RSAD2: variants seen among roughly 807,000 people sequenced by gnomAD.
RSAD2 encodes the protein radical S-adenosyl methionine domain containing 2.
RSAD2 carries 38 observed loss-of-function variants against 37.7 expected under a neutral mutation model. The observed-to-expected ratio is 1.01, with a 90% confidence interval of 0.78 to 1.32. The LOEUF is 1.32. Ranked by LOEUF, RSAD2 falls within the 40% of genes most tolerant of loss-of-function variation. The probability of loss-of-function intolerance (pLI) is 0.00; values close to 1 mark genes in which losing one functional copy is unlikely to be tolerated. For synonymous variants in RSAD2, 163 were observed against 157.4 expected, an observed-to-expected ratio of 1.04 and a Z score of -0.27; for missense variants, 428 against 437.5, an observed-to-expected ratio of 0.98 and a Z score of 0.19.
chr2:6,894,061 T>C (rs1663690066), intron 5 of RSAD2, among the ~76,000 whole-genome samples: 1 of 152,192 alleles, frequency 6.6e-6, no homozygotes, highest in African/African-American at 2.4e-5. Flanking sequence ...TCTCCTGAGA[T>C]AGGGCATCCA....
Position 6,883,529 on chromosome 2 carries a change from TA to T in RSAD2, c.506del (p.Tyr169LeufsTer39). 6.2e-7 allele frequency: 1 copy of T among 1,614,170 alleles called. No individual in the cohort carries two copies. Among genetic ancestry groups the T allele is most frequent in the Non-Finnish European group, 8.5e-7 (1 of 1,180,018 alleles). ...GATCCGGGAGAGGTGGTTCCAGAAT[TA>T]TGGTGTGCTCCATGGGATGGCATTC... ...SLIRERWFQNYGEYLDILAIS... is the reference protein window; with the variant it reads ...SLIRERWFQNXGEYLDILAIS... On this transcript the variant is annotated frameshift_variant and splice_region_variant, in exon 2 of 6. Transcript: ENST00000382040. LOFTEE classifies it high-confidence loss of function.
rs1282504856 is a variant in RSAD2 at position 6,896,846 on chromosome 2, C to A, written c.*904C>A. On this transcript the variant is annotated 3_prime_UTR_variant, in exon 6 of 6. Transcript: ENST00000382040. ...GAGGCAGTGCTTGCATTGCTTTGTT[C>A]GCCTATCATCTGGCCACATGAGGCT... 2.0e-5 allele frequency: 3 copies of A among 152,136 alleles called. No individual in the cohort carries two copies. In the East Asian group the frequency reaches 5.8e-4, roughly 29 times the overall value. The allele number at this position is 152,136 out of a possible 1,614,324, so 9.4% of individuals were successfully genotyped here. A position where few individuals can be genotyped will look rare whatever the true frequency, so the allele number is the denominator to read the frequency against.
At chr2:6,890,471 T>C in intron 4 of RSAD2, 146 bp downstream of exon 4, 1 of 846,568 alleles carries the variant, frequency 1.2e-6, no homozygotes, top group Non-Finnish European at 1.8e-6. Context: ...TCAGGGCAGA[T>C]AGGGCTGAGG....
chr2:6,877,772 A>G (rs10182815), upstream of RSAD2: 1,560,857 of 1,574,272 alleles, frequency 0.99, 774,506 homozygotes, highest in East Asian at 1. Flanking sequence ...TGGCATACAG[A>G]GACTGCTCTG....
chr2:6,880,588 C>A (rs1663379517), intron 1 of RSAD2, among the ~76,000 whole-genome samples: 1 of 152,104 alleles, frequency 6.6e-6, no homozygotes, highest in Non-Finnish European at 1.5e-5. Context: ...TTGGCAGTTA[C>A]CTAAAAGACT....
chr2:6,870,146 A>G (rs1663178502), intron 1 of RSAD2, among the ~76,000 whole-genome samples: 1 of 152,216 alleles, frequency 6.6e-6, no homozygotes, highest in Non-Finnish European at 1.5e-5. Flanking sequence ...CCTTTGTTTC[A>G]CACTGAAGGC....
intron 1 of RSAD2, among the ~76,000 whole-genome samples, chr2:6,882,081 C>T (rs567893666): frequency 1.3e-5 from 2 of 152,302 alleles, no homozygotes; most frequent in South Asian, 4.1e-4. Context: ...GGAGGTTTTC[C>T]TATGAATAAA....
At chr2:6,866,133 G>A in intron 1 of RSAD2, 1 of 217,762 alleles carries the variant, frequency 4.6e-6, no homozygotes, top group South Asian at 5.1e-5. Context: ...TGCATGGAGG[G>A]GGGCGGGGGT....
At chr2:6,876,903 A>G (rs1205828292), upstream of RSAD2, 2 of 152,204 alleles carry the variant, frequency 1.3e-5, no homozygotes, top group Admixed American at 6.5e-5. Flanking sequence ...TCACCCAGCT[A>G]CATGATTTGT....
chr2:6,880,854 A>AC (rs1434634250), intron 1 of RSAD2, among the ~76,000 whole-genome samples: 1 of 151,590 alleles, frequency 6.6e-6, no homozygotes, highest in Non-Finnish European at 1.5e-5. Flanking sequence ...ATTAAAATTT[A>AC]CTATTCTGGC....
At chr2:6,878,747 T>G in intron 1 of RSAD2, 3 of 901,764 alleles carry the variant, frequency 3.3e-6, no homozygotes, top group Non-Finnish European at 2.9e-6. Flanking sequence ...ACTCAGCACG[T>G]GACCTTCGAA....
intron 2 of RSAD2, among the ~76,000 whole-genome samples, chr2:6,886,092 T>G (rs1352992370): frequency 3.3e-5 from 5 of 152,024 alleles, no homozygotes; most frequent in African/African-American, 1.2e-4. Flanking sequence ...AGAAAAAGAG[T>G]CGACTCTTAA....
intron 1 of RSAD2, among the ~76,000 whole-genome samples, chr2:6,870,678 T>G (rs1486636048): frequency 6.6e-6 from 1 of 152,180 alleles, no homozygotes; most frequent in Non-Finnish European, 1.5e-5. Context: ...GAGGAAGCCT[T>G]TCCAGCCAGT....
chr2:6,867,584 T>C (rs1005807500), intron 1 of RSAD2, among the ~76,000 whole-genome samples: 2 of 152,128 alleles, frequency 1.3e-5, no homozygotes, highest in African/African-American at 4.8e-5. Flanking sequence ...CCCCCACATA[T>C]CTGGGTTAGT....
intron 1 of RSAD2, among the ~76,000 whole-genome samples, chr2:6,868,155 T>C (rs975881078): frequency 6.6e-6 from 1 of 151,938 alleles, no homozygotes; most frequent in Non-Finnish European, 1.5e-5. Context: ...ACTTACAGTA[T>C]TAAACAAGAG....
At chr2:6,868,078 T>C (rs1663136288) in intron 1 of RSAD2, among the ~76,000 whole-genome samples, 1 of 152,158 alleles carries the variant, frequency 6.6e-6, no homozygotes, top group African/African-American at 2.4e-5. Flanking sequence ...GGGAAGATAC[T>C]TCAAAGAGGT....
chr2:6,886,650 A>G (rs1663527563), intron 2 of RSAD2, among the ~76,000 whole-genome samples: 1 of 152,256 alleles, frequency 6.6e-6, no homozygotes. Context: ...GCAGGAATAA[A>G]TGAAAAACCT....
intron 4 of RSAD2, among the ~76,000 whole-genome samples, chr2:6,890,575 T>TA (rs1479100586): frequency 6.6e-6 from 1 of 152,154 alleles, no homozygotes; most frequent in Non-Finnish European, 1.5e-5. Context: ...TTGCAGATGA[T>TA]ACAACTGTAT....
chr2:6,897,215 T>C lies in RSAD2; in HGVS notation c.*1273T>C, dbSNP rs749636395. ...GGAAATATCCCATGCAGTTTGTTGA[T>C]ACAACTTAGTATCTTATTGCCTAAA... is the stretch of plus-strand genomic sequence containing the variant. On this transcript the variant is annotated 3_prime_UTR_variant, in exon 6 of 6. Coordinates refer to ENST00000382040, the MANE Select transcript of RSAD2 (RefSeq NM_080657.5). 6.6e-6 allele frequency: 1 copy of C among 152,254 alleles called. No individual in the cohort carries two copies. Among genetic ancestry groups the C allele is most frequent in the African/African-American group, 2.4e-5 (1 of 41,466 alleles). The allele number at this position is 152,254 out of a possible 1,614,324, so 9.4% of individuals were successfully genotyped here. A position where few individuals can be genotyped will look rare whatever the true frequency, so the allele number is the denominator to read the frequency against.
Sources: allele counts gnomAD v4.1 joint callset (sites outside exome capture counted in the v4.1 genomes callset), GRCh38; gene constraint gnomAD v4.1.1; transcripts MANE v1.5; gene names NCBI Gene and HGNC (gene_info 2026-07-23, HGNC 2026-07-21).